ELP1: variants seen among roughly 807,000 people sequenced by gnomAD.
ELP1 encodes elongator acetyltransferase complex subunit 1.
In ELP1, 131 loss-of-function variants were observed where a neutral mutation model predicts 183.2. The observed-to-expected ratio is 0.72, with a 90% confidence interval of 0.62 to 0.83. The LOEUF (loss-of-function observed/expected upper bound fraction) is 0.83. Among genes scored for constraint, ELP1 ranks in the 40% least tolerant of loss-of-function variants. The pLI is 0.00. For missense variants in ELP1, 1,550 were observed against 1,594.9 expected, an observed-to-expected ratio of 0.97 and a Z score of 0.48; for synonymous variants, 555 against 569.0, an observed-to-expected ratio of 0.98 and a Z score of 0.35.
chr9:108,873,786 C>A (rs10979581), intron 36 of ELP1, among the ~76,000 whole-genome samples: 2 of 151,756 alleles, frequency 1.3e-5, no homozygotes, highest in Admixed American at 1.3e-4. Flanking sequence ...TTTGGGAGGC[C>A]GAGGCAGGAG....
chr9:108,896,872 A>C, intron 24 of ELP1, 81 bp downstream of exon 24: 1 of 1,292,486 alleles, frequency 7.7e-7, no homozygotes, highest in South Asian at 1.2e-5. Context: ...TGGTGTGGCA[A>C]TGACATGGTG....
chr9:108,908,394 T>C lies in ELP1; in HGVS notation c.1371A>G (p.Pro457=), dbSNP rs1390004137. The C allele has an allele frequency of 5.0e-6, 8 of 1,613,976 alleles. 1 individual carries two copies. The South Asian group carries it at 7.7e-5, about 16-fold the overall frequency. Residue 457 remains proline, a synonymous_variant, in exon 13 of 37, where the codon CCA becomes CCG. Transcript: ENST00000374647. The stretch of plus-strand genomic sequence containing the variant: ...CCAGTTTCACTGTAGGGTCAGCACT[T>C]GGACAATCACCTGGAAAACAAAAAT... The part of the protein sequence containing the change: ...QISVYKCGDC[P]SADPTVKLGA...
In ELP1 at chr9:108,911,046, G is replaced by C; in HGVS notation, c.1324C>G (p.Leu442Val). ...HPQKSNDLAV[L>V]DASNQISVYK... ...ACAGAAATCTGGTTACTGGCATCTA[G>C]AACAGCAAGGTCATTACTCTTTTGA... Residue 442 changes from leucine to valine, a missense_variant, in exon 12 of 37, where the codon CTA becomes GTA. Physicochemically the swap from Leu to Val is conservative, Grantham distance 32 (BLOSUM62 1). Coordinates refer to ENST00000374647, the MANE Select transcript of ELP1 (RefSeq NM_003640.5). The C allele has an allele frequency of 2.5e-6, 4 of 1,614,122 alleles. No individual in the cohort carries two copies. Among genetic ancestry groups the C allele is most frequent in the Non-Finnish European group, 3.4e-6 (4 of 1,179,984 alleles).
rs777816281 is a variant in ELP1 at position 108,912,268 on chromosome 9, A to G, written c.1185T>C (p.Asp395=). The G allele has an allele frequency of 6.2e-7, 1 of 1,613,690 alleles. No homozygotes were observed. Among genetic ancestry groups the G allele is most frequent in the Non-Finnish European group, 8.5e-7 (1 of 1,179,562 alleles). ...ACACACTTCCCAGGAGCTTACTTCCATCAATGACAGCCACATTGGACAAGT... is the reference window on the plus strand; with the variant it reads ...ACACACTTCCCAGGAGCTTACTTCCGTCAATGACAGCCACATTGGACAAGT... ...SSDLSNVAVI[D]GNRVLVTVFR... is the part of the protein sequence containing the mutation. The change falls in exon 11 of 37, where the codon GAT becomes GAC. Residue 395 remains aspartate, a synonymous_variant. Transcript: ENST00000374647.
intron 10 of ELP1, among the ~76,000 whole-genome samples, chr9:108,915,792 T>C (rs1829409810): frequency 6.6e-6 from 1 of 151,966 alleles, no homozygotes; most frequent in Non-Finnish European, 1.5e-5. Flanking sequence ...CCCTTCATAT[T>C]GTGGATTCTA....
rs1237261980 is a variant in ELP1, at chr9:108,909,791, T to C, written c.1360+1219A>G. 2.6e-5 allele frequency among the ~76,000 whole-genome samples: 4 copies of C among 152,138 alleles called. No homozygotes were observed. The East Asian group carries it at 7.7e-4, about 29-fold the overall frequency. ...TTGATGCCGAACAATCTTTCAAAAG[T>C]GGAGCTCTCAACCTGTCCTATCTCA... On this transcript the variant is annotated intron_variant, in intron 12 of 36. Transcript: ENST00000374647.
intron 6 of ELP1, among the ~76,000 whole-genome samples, chr9:108,921,791 C>T (rs1386376286): frequency 1.3e-5 from 2 of 152,190 alleles, no homozygotes; most frequent in African/African-American, 2.4e-5. Context: ...ATATTTTACT[C>T]ACAATAAAGT....
intron 35 of ELP1, among the ~76,000 whole-genome samples, chr9:108,876,102 C>T (rs901969047): frequency 6.6e-6 from 1 of 151,888 alleles, no homozygotes; most frequent in African/African-American, 2.4e-5. Context: ...TTGGTGACAC[C>T]CTGTCTCTAC....
chr9:108,929,466 T>A (rs1829926401), intron 3 of ELP1, among the ~76,000 whole-genome samples: 1 of 120,620 alleles, frequency 8.3e-6, no homozygotes, highest in Non-Finnish European at 1.8e-5. Context: ...GATGAGGGTC[T>A]GATAAGAGGT....
chr9:108,889,771 T>C, intron 28 of ELP1: 1 of 303,538 alleles, frequency 3.3e-6, no homozygotes, highest in Admixed American at 4.5e-5. Flanking sequence ...CTAGAATCAC[T>C]CTCAGCCCAA....
At chr9:108,876,749 T>TTA (rs398046781) in intron 35 of ELP1, among the ~76,000 whole-genome samples, 12 of 135,242 alleles carry the variant, frequency 8.9e-5, no homozygotes, top group African/African-American at 1.3e-4. Flanking sequence ...TTTTTTTTTT[T>TTA]AAACGGAGAT....
chr9:108,931,922 T>A (rs971647017), intron 1 of ELP1, among the ~76,000 whole-genome samples: 1 of 152,182 alleles, frequency 6.6e-6, no homozygotes, highest in Non-Finnish European at 1.5e-5. Flanking sequence ...TCTACTTTGG[T>A]CTGGCAAAAT....
At position 108,867,878 on chromosome 9, in the gene ELP1, T is replaced by G. The variant is rs1418694994; in HGVS notation, c.*1237A>C. 1 of 152,250 alleles carries G rather than the reference T, an allele frequency of 6.6e-6. No homozygotes were observed. The highest frequency in any genetic ancestry group is 1.5e-5 in the Non-Finnish European group (1 of 68,048). 9.4% of individuals were successfully genotyped at this position (152,250 alleles called of 1,614,324 possible). ...TGGGAAAGGCTTCTTAAATTACAAT[T>G]TTGGCTATATCACTTCTTTGAGGAT... On this transcript the variant is annotated 3_prime_UTR_variant, in exon 37 of 37. Transcript: ENST00000374647.
chr9:108,913,171 T>C (rs1416651892), intron 10 of ELP1, among the ~76,000 whole-genome samples: 1 of 152,204 alleles, frequency 6.6e-6, no homozygotes, highest in Non-Finnish European at 1.5e-5. Flanking sequence ...AGAAGATAAC[T>C]TGGCAATTAG....
At position 108,891,297 on chromosome 9, in the gene ELP1, A is replaced by T. The variant is rs372822046; in HGVS notation, c.3066T>A (p.Phe1022Leu). Residue 1022 changes from phenylalanine (F) to leucine (L), a missense_variant, in exon 28 of 37, where the codon TTT (phenylalanine) becomes TTA (leucine). Physicochemically the swap from Phe to Leu is conservative, Grantham distance 22. Coordinates refer to ENST00000374647, the MANE Select transcript of ELP1 (RefSeq NM_003640.5). ...CGAHEKALSA[F>L]LTCGNWKQAL... ...CTTGCTTCCAGTTGCCACATGTCAG[A>T]AAGGCTGAGAGAGCTTTCTCGTGGG... 9 of 1,614,082 alleles carry T rather than the reference A, an allele frequency of 5.6e-6. No individual in the cohort carries two copies. Among genetic ancestry groups the T allele is most frequent in the Non-Finnish European group, 7.6e-6 (9 of 1,180,026 alleles).
At chr9:108,913,132 T>C (rs147773673) in intron 10 of ELP1, among the ~76,000 whole-genome samples, 2 of 152,298 alleles carry the variant, frequency 1.3e-5, no homozygotes, top group Admixed American at 1.3e-4. Context: ...AAGCATTCTT[T>C]TAGTGGGTTT....
intron 25 of ELP1, among the ~76,000 whole-genome samples, chr9:108,895,029 T>C (rs905324773): frequency 6.6e-6 from 1 of 152,140 alleles, no homozygotes; most frequent in African/African-American, 2.4e-5. Flanking sequence ...GATGGATTGC[T>C]TCAGCTCACA....
intron 36 of ELP1, among the ~76,000 whole-genome samples, chr9:108,873,153 C>A (rs527714708): frequency 6.6e-6 from 1 of 152,196 alleles, no homozygotes; most frequent in Non-Finnish European, 1.5e-5. Flanking sequence ...TGCAACAAGT[C>A]CAACCCAGCT....
At chr9:108,919,426 A>C in intron 6 of ELP1, 77 bp from the exon 7 acceptor site, 1 of 940,494 alleles carries the variant, frequency 1.1e-6, no homozygotes, top group South Asian at 1.4e-5. Context: ...AGACCACTAG[A>C]TACAGATGTT....
Sources: allele counts gnomAD v4.1 joint callset (sites outside exome capture counted in the v4.1 genomes callset), GRCh38; gene constraint gnomAD v4.1.1; transcripts MANE v1.5; gene names NCBI Gene and HGNC (gene_info 2026-07-23, HGNC 2026-07-21).